Variants in KAT6B observed in about 807,000 individuals in gnomAD.
The protein encoded by KAT6B is histone acetyltransferase KAT6B.
In KAT6B, 10 loss-of-function variants were observed where a neutral mutation model predicts 187.5. The ratio of observed to expected loss-of-function variants is 0.05; its 90% CI spans 0.03 to 0.09. The LOEUF (loss-of-function observed/expected upper bound fraction) is 0.09, where lower values mean the gene tolerates loss of function less well. Among genes scored for constraint, KAT6B ranks in the 10% least tolerant of loss-of-function variants. The probability of loss-of-function intolerance (pLI) is 1.00; values close to 1 mark genes in which losing one functional copy is unlikely to be tolerated. For missense variants in KAT6B, 1,952 were observed against 2,558.9 expected, an observed-to-expected ratio of 0.76 and a Z score of 5.12; for synonymous variants, 861 against 926.8, an observed-to-expected ratio of 0.93 and a Z score of 1.29.
chr10:74,910,478 T>C (rs748945198), intron 3 of KAT6B, among the ~76,000 whole-genome samples: 80 of 152,340 alleles, frequency 5.3e-4, no homozygotes, highest in Non-Finnish European at 8.2e-4. Context: ...AGGGACTCTG[T>C]CTTGGCTTCT....
At chr10:74,921,393 C>T (rs2133061194) in intron 3 of KAT6B, among the ~76,000 whole-genome samples, 1 of 152,250 alleles carries the variant, frequency 6.6e-6, no homozygotes, top group Admixed American at 6.5e-5. Context: ...GGATTATAGG[C>T]ATGAGCCACC....
chr10:74,989,160 C>A, intron 13 of KAT6B, 48 bp downstream of exon 13: 1 of 1,282,544 alleles, frequency 7.8e-7, no homozygotes, highest in Non-Finnish European at 1.1e-6. Context: ...AGCTGATGGC[C>A]GTTACAGGAA....
intron 3 of KAT6B, among the ~76,000 whole-genome samples, chr10:74,922,780 GA>G (rs1848228914): frequency 6.6e-6 from 1 of 152,326 alleles, no homozygotes; most frequent in East Asian, 1.9e-4. Flanking sequence ...TGGCTCAAGT[GA>G]ATCCAGAGTT....
chr10:74,832,953 T>C (rs1202542900), intron 1 of KAT6B, among the ~76,000 whole-genome samples: 2 of 151,038 alleles, frequency 1.3e-5, no homozygotes, highest in East Asian at 3.9e-4. Context: ...TAAAACCCCG[T>C]CTCTACTAAA....
intron 3 of KAT6B, among the ~76,000 whole-genome samples, chr10:74,905,319 C>G (rs907963717): frequency 3.3e-5 from 5 of 152,202 alleles, no homozygotes; most frequent in Non-Finnish European, 7.3e-5. Context: ...CCTGCCTGCT[C>G]TCTAGGGAAA....
intron 13 of KAT6B, among the ~76,000 whole-genome samples, chr10:74,993,135 C>T (rs1843214034): frequency 6.6e-6 from 1 of 152,198 alleles, no homozygotes; most frequent in South Asian, 2.1e-4. Context: ...GAGCCTCACA[C>T]CGTCAAGGCA....
chr10:74,875,052 A>C (rs1844311857), intron 3 of KAT6B, among the ~76,000 whole-genome samples: 2 of 152,200 alleles, frequency 1.3e-5, no homozygotes, highest in African/African-American at 4.8e-5. Flanking sequence ...CATAGTTTAC[A>C]TTAGGGTTTA....
chr10:74,828,611 A>C (rs1589424896), intron 1 of KAT6B, among the ~76,000 whole-genome samples: 1 of 121,310 alleles, frequency 8.2e-6, no homozygotes, highest in South Asian at 2.5e-4. Flanking sequence ...TCTGTCGCCC[A>C]GGCTGGAGTG....
chr10:74,939,050 A>AACACACACACACACACAC (rs112617639), intron 3 of KAT6B, among the ~76,000 whole-genome samples: 5 of 145,684 alleles, frequency 3.4e-5, no homozygotes, highest in African/African-American at 1.0e-4. Flanking sequence ...TTATTTTCTT[A>AACACACACACACACACAC]ACACACACAC....
intron 3 of KAT6B, among the ~76,000 whole-genome samples, chr10:74,857,698 A>T (rs1021800919): frequency 3.3e-5 from 5 of 152,194 alleles, no homozygotes; most frequent in African/African-American, 4.8e-5. Flanking sequence ...GTTTTGGGCT[A>T]TGGTGAACCA....
intron 3 of KAT6B, among the ~76,000 whole-genome samples, chr10:74,886,728 ATAAT>A (rs1845303845): frequency 6.6e-6 from 1 of 152,206 alleles, no homozygotes; most frequent in Non-Finnish European, 1.5e-5. Context: ...TCTTGACTAA[ATAAT>A]TCATGTATCG....
chr10:74,903,423 C>T (rs1846539230), intron 3 of KAT6B, among the ~76,000 whole-genome samples: 1 of 152,106 alleles, frequency 6.6e-6, no homozygotes, highest in Admixed American at 6.6e-5. Flanking sequence ...TGATCTGAAG[C>T]ATGAATAGGA....
chr10:74,875,833 A>G (rs898042215), intron 3 of KAT6B, among the ~76,000 whole-genome samples: 7 of 152,180 alleles, frequency 4.6e-5, no homozygotes, highest in East Asian at 3.9e-4. Flanking sequence ...TTTCCTTTCA[A>G]GGTCAGGGGA....
At chr10:74,931,225 A>G (rs1197094320) in intron 3 of KAT6B, among the ~76,000 whole-genome samples, 2 of 152,050 alleles carry the variant, frequency 1.3e-5, no homozygotes, top group Admixed American at 6.6e-5. Context: ...CTTGTCTCCA[A>G]CTGAAAGGCC....
Position 75,030,795 on chromosome 10 carries a change from G to A in KAT6B, c.5971G>A (p.Ala1991Thr), listed in dbSNP as rs774281154. ...GAACATGAACATGAACACTCTCAAC[G>A]CCATGAATGGGTACAGCATGTCCCA... is the stretch of plus-strand genomic sequence containing the variant. ...SVNMNMNTLN[A>T]MNGYSMSQPM... Residue 1991 changes from alanine (A) to threonine (T), a missense_variant, in exon 18 of 18, where the codon GCC becomes ACC. Ala to Thr is a moderately conservative substitution (Grantham distance 58). Transcript: ENST00000287239. The surrounding 1 kb of genome is among the most constrained non-coding windows in gnomAD (Gnocchi z 4.8). 9.9e-6 allele frequency: 16 copies of A among 1,614,072 alleles called. No individual in the cohort carries two copies. The highest frequency in any genetic ancestry group is 8.3e-5 in the Admixed American group (5 of 60,006).
At chr10:74,971,657 A>G (rs1235260562) in intron 6 of KAT6B, among the ~76,000 whole-genome samples, 1 of 152,072 alleles carries the variant, frequency 6.6e-6, no homozygotes, top group Non-Finnish European at 1.5e-5. Context: ...CCTGATTTGC[A>G]GAAGCTCTTT....
chr10:74,907,702 G>A (rs1846876320), intron 3 of KAT6B, among the ~76,000 whole-genome samples: 1 of 151,892 alleles, frequency 6.6e-6, no homozygotes, highest in Non-Finnish European at 1.5e-5. Context: ...CCTAATTTTT[G>A]TATTTTTAGT....
At chr10:74,854,517 G>A (rs1174536391) in intron 3 of KAT6B, among the ~76,000 whole-genome samples, 5 of 151,720 alleles carry the variant, frequency 3.3e-5, no homozygotes, top group African/African-American at 1.2e-4. Flanking sequence ...TGCAAAATGA[G>A]CAATATAGAC....
At chr10:74,968,865 T>G (rs1208763599) in intron 4 of KAT6B, among the ~76,000 whole-genome samples, 2 of 152,218 alleles carry the variant, frequency 1.3e-5, no homozygotes, top group African/African-American at 2.4e-5. Flanking sequence ...CTCCTTTGAA[T>G]GGCATTGCCC....
Sources: gnomAD v4.1 joint callset for allele counts (sites outside exome capture counted in the v4.1 genomes callset) on GRCh38, gnomAD v4.1.1 for gene constraint, Gnocchi (gnomAD v3.1) non-coding constraint, MANE v1.5 for transcripts, NCBI Gene and HGNC (gene_info 2026-07-23, HGNC 2026-07-21) for gene names.